RBFOX1: variants seen among roughly 807,000 people sequenced by gnomAD.
RBFOX1 encodes the protein RNA binding fox-1 homolog 1.
In RBFOX1, 8 loss-of-function variants were observed where a neutral mutation model predicts 57.7. The ratio of observed to expected loss-of-function variants is 0.14; its 90% CI spans 0.08 to 0.25. RBFOX1 has a LOEUF of 0.25. Among genes scored for constraint, RBFOX1 ranks in the 10% least tolerant of loss-of-function variants. The pLI, the probability that RBFOX1 is intolerant of heterozygous loss-of-function variation, is 1.00. For missense variants in RBFOX1, 611 were observed against 548.5 expected, an observed-to-expected ratio of 1.11 and a Z score of -1.14; for synonymous variants, 326 against 222.4, an observed-to-expected ratio of 1.47 and a Z score of -4.15.
intron 4 of RBFOX1, among the ~76,000 whole-genome samples, chr16:7,263,573 A>T (rs935468187): frequency 6.6e-6 from 1 of 152,036 alleles, no homozygotes; most frequent in African/African-American, 2.4e-5. Flanking sequence ...GCTCCATAAT[A>T]AAAGGATGGC....
intron 4 of RBFOX1, among the ~76,000 whole-genome samples, chr16:7,191,680 C>G (rs1222888517): frequency 1.3e-5 from 2 of 152,192 alleles, no homozygotes; most frequent in Non-Finnish European, 2.9e-5. Context: ...GAAGGGCATG[C>G]TCACGATTAA....
chr16:7,375,193 T>G (rs901405869), intron 4 of RBFOX1, among the ~76,000 whole-genome samples: 1 of 152,248 alleles, frequency 6.6e-6, no homozygotes, highest in Non-Finnish European at 1.5e-5. Context: ...ATAAAGATTC[T>G]GAAGATCAGA....
intron 2 of RBFOX1, among the ~76,000 whole-genome samples, chr16:5,577,320 T>G (rs989534947): frequency 6.6e-6 from 1 of 152,214 alleles, no homozygotes; most frequent in Non-Finnish European, 1.5e-5. Flanking sequence ...GATCAAGCTC[T>G]TCCTTCAGTT....
chr16:5,356,143 G>A (rs574582835), intron 1 of RBFOX1, among the ~76,000 whole-genome samples: 19 of 152,120 alleles, frequency 1.2e-4, no homozygotes, highest in African/African-American at 1.7e-4. Context: ...GGGGAAGGCC[G>A]TGTGCAGGTG....
chr16:6,957,115 T>TA (rs1491471159), intron 3 of RBFOX1, among the ~76,000 whole-genome samples: 192 of 113,408 alleles, frequency 1.7e-3, no homozygotes, highest in African/African-American at 6.6e-3. Flanking sequence ...TTTATTTTTA[T>TA]TTTTATTTAT....
rs1057161106 is a variant in RBFOX1, at chr16:6,043,161, A to C, written c.-127+23169A>C. On this transcript the variant is annotated intron_variant, in intron 1 of 15. Coordinates refer to ENST00000550418, the MANE Select transcript of RBFOX1 (RefSeq NM_018723.4). ...AAAAAAAAAAAAAAAAAAAAAAAAA[A>C]AGATAAGGGGCGTTGTGGAAACCAA... is the stretch of plus-strand genomic sequence containing the variant. 5.9e-5 allele frequency among the ~76,000 whole-genome samples: 8 copies of C among 134,548 alleles called. No individual in the cohort carries two copies. The Admixed American group carries it at 6.0e-4, about 10-fold the overall frequency. The allele number at this position is 134,548 out of a possible 152,430, so 88.3% of individuals were successfully genotyped here.
intron 3 of RBFOX1, among the ~76,000 whole-genome samples, chr16:6,859,101 T>TA (rs1175267188): frequency 3.2e-4 from 20 of 61,860 alleles, no homozygotes; most frequent in Admixed American, 1.9e-3. Flanking sequence ...TGTATTGTCC[T>TA]AAAAAAAGTG....
chr16:6,461,474 T>G (rs548312246), intron 2 of RBFOX1, among the ~76,000 whole-genome samples: 4 of 152,314 alleles, frequency 2.6e-5, no homozygotes, highest in South Asian at 4.1e-4. Flanking sequence ...TATATTCCCA[T>G]CCATGATCTT....
chr16:6,985,858 T>TA (rs1476581336), intron 3 of RBFOX1, among the ~76,000 whole-genome samples: 2 of 111,990 alleles, frequency 1.8e-5, no homozygotes, highest in Non-Finnish European at 3.7e-5. Context: ...CAGAATTTTT[T>TA]TTTCTTTTTT....
chr16:6,845,567 G>A lies in RBFOX1; in HGVS notation c.-16+190917G>A, dbSNP rs147798937. 1.7e-4 allele frequency among the ~76,000 whole-genome samples: 26 copies of A among 152,254 alleles called. No individual in the cohort carries two copies. The East Asian group carries it at 5.0e-3, about 29-fold the overall frequency. On this transcript the variant is annotated intron_variant, in intron 3 of 15. Coordinates refer to ENST00000550418, the MANE Select transcript of RBFOX1 (RefSeq NM_018723.4). The stretch of plus-strand genomic sequence containing the variant: ...TCTGTTTTTGCACCAGTGCCATGCT[G>A]TTTTGGTTATTGTAGCCTTGTAGGT...
At chr16:6,998,525 G>C (rs147166602) in intron 3 of RBFOX1, among the ~76,000 whole-genome samples, 5 of 152,174 alleles carry the variant, frequency 3.3e-5, no homozygotes, top group South Asian at 2.1e-4. Flanking sequence ...AGAAGCAAGA[G>C]ACAAAGTTCT....
At chr16:7,218,052 CATGCGT>C (rs1353210224) in intron 4 of RBFOX1, among the ~76,000 whole-genome samples, 2 of 145,052 alleles carry the variant, frequency 1.4e-5, no homozygotes, top group Non-Finnish European at 3.0e-5. Context: ...CGTGCATTTG[CATGCGT>C]GTGCGTGTGT....
intron 1 of RBFOX1, among the ~76,000 whole-genome samples, chr16:5,262,680 A>G (rs2062764611): frequency 6.6e-6 from 1 of 152,140 alleles, no homozygotes; most frequent in Admixed American, 6.5e-5. Context: ...AGAGTAATAT[A>G]CAAGGTTATA....
chr16:5,905,608 G>A (rs981210173), intron 4 of RBFOX1, among the ~76,000 whole-genome samples: 2 of 152,270 alleles, frequency 1.3e-5, no homozygotes, highest in Middle Eastern at 3.4e-3. Context: ...GGCTGTTCAG[G>A]AGGCTGAGCC....
chr16:6,063,409 A>G (rs556395548), intron 1 of RBFOX1, among the ~76,000 whole-genome samples: 1 of 151,980 alleles, frequency 6.6e-6, no homozygotes, highest in East Asian at 1.9e-4. Flanking sequence ...GAGAAATGGC[A>G]GACATATTAC....
chr16:6,140,271 A>T (rs1233863454), intron 1 of RBFOX1, among the ~76,000 whole-genome samples: 1 of 150,590 alleles, frequency 6.6e-6, no homozygotes. Flanking sequence ...GGCTCACTGC[A>T]GCCTCCACCT....
intron 4 of RBFOX1, among the ~76,000 whole-genome samples, chr16:7,130,997 G>A (rs558442548): frequency 1.4e-3 from 210 of 152,150 alleles, no homozygotes; most frequent in Non-Finnish European, 1.9e-3. Flanking sequence ...CAAAGAGATG[G>A]GTATCTTAAA....
chr16:5,907,963 C>G (rs751768145), intron 4 of RBFOX1, among the ~76,000 whole-genome samples: 2 of 151,738 alleles, frequency 1.3e-5, no homozygotes, highest in African/African-American at 4.8e-5. Context: ...GTTGGCCAGG[C>G]TGATCTCAAA....
At chr16:7,457,610 A>G (rs557199225) in intron 4 of RBFOX1, among the ~76,000 whole-genome samples, 8 of 152,146 alleles carry the variant, frequency 5.3e-5, no homozygotes, top group African/African-American at 1.9e-4. Context: ...TTGATTGTGA[A>G]TGTTCCTTGT....
Sources: gnomAD v4.1 joint callset for allele counts (sites outside exome capture counted in the v4.1 genomes callset) on GRCh38, gnomAD v4.1.1 for gene constraint, MANE v1.5 for transcripts, NCBI Gene and HGNC (gene_info 2026-07-23, HGNC 2026-07-21) for gene names.